The following CACNB2 variants were observed in gnomAD, a reference collection of about 807,000 sequenced individuals.
CACNB2 encodes the protein voltage-dependent L-type calcium channel subunit beta-2.
In CACNB2, 42 loss-of-function variants were observed where a neutral mutation model predicts 73.3. That is an observed-to-expected ratio of 0.57 (90% CI 0.45 to 0.74). CACNB2 has a LOEUF of 0.74. Ranked by LOEUF, CACNB2 falls within the 30% of genes least tolerant of loss-of-function variation. CACNB2 has a pLI of 0.00. For missense variants in CACNB2, 940 were observed against 853.0 expected (o/e 1.10, Z -1.27); for synonymous variants, 348 against 310.3 (o/e 1.12, Z -1.28).
intron 9 of CACNB2, chr10:18,519,853 A>G (rs2051674552): frequency 2.5e-6 from 1 of 408,116 alleles, no homozygotes; most frequent in Non-Finnish European, 4.8e-6. Context: ...TGCTAAATCC[A>G]GGGATAAATT....
At chr10:18,197,506 G>A (rs760779018) in intron 2 of CACNB2, among the ~76,000 whole-genome samples, 16 of 152,284 alleles carry the variant, frequency 1.1e-4, no homozygotes, top group South Asian at 2.1e-4. Flanking sequence ...TCCTGGCTCT[G>A]TCCTCCTTCA....
At chr10:18,280,634 A>G (rs2038501680) in intron 2 of CACNB2, among the ~76,000 whole-genome samples, 1 of 152,188 alleles carries the variant, frequency 6.6e-6, no homozygotes, top group South Asian at 2.1e-4. Flanking sequence ...AGAATGTACA[A>G]CTGTACATGG....
intron 2 of CACNB2, among the ~76,000 whole-genome samples, chr10:18,401,291 C>A (rs1468156599): frequency 2.0e-5 from 3 of 152,190 alleles, no homozygotes; most frequent in Non-Finnish European, 4.4e-5. Context: ...GCCAGATGAG[C>A]TATCCCAGGC....
chr10:18,322,240 A>C lies in CACNB2; in HGVS notation c.214-79684A>C, dbSNP rs551391805. On this transcript the variant is annotated intron_variant, in intron 2 of 13. Transcript: ENST00000324631. Reference sequence around the variant, plus strand: ...CAGAGAGTATTAACTCTGATTTCCAAATTAACATCTTGGAAATCAGAGAAT... The same window carrying C: ...CAGAGAGTATTAACTCTGATTTCCACATTAACATCTTGGAAATCAGAGAAT... 3.9e-5 allele frequency among the ~76,000 whole-genome samples: 6 copies of C among 152,286 alleles called. No homozygotes were observed. In the South Asian group the frequency reaches 1.2e-3, roughly 32 times the overall value.
chr10:18,532,676 C>CAAAAAAAAAAAAAAAAAAAAAAAAA (rs1219587375), intron 10 of CACNB2, among the ~76,000 whole-genome samples: 27 of 92,546 alleles, frequency 2.9e-4, no homozygotes, highest in East Asian at 4.7e-4. Flanking sequence ...GACTCTGTCT[C>CAAAAAAAAAAAAAAAAAAAAAAAAA]AAAAAAAAAA....
At position 18,394,208 on chromosome 10, in the gene CACNB2, C is replaced by T. The variant is rs930973915; in HGVS notation, c.214-7716C>T. Among the ~76,000 whole-genome samples the T allele has an allele frequency of 5.3e-5, 8 of 152,240 alleles. No homozygotes were observed. In the East Asian group the frequency reaches 1.2e-3, roughly 22 times the overall value. On this transcript the variant is annotated intron_variant, in intron 2 of 13. Transcript: ENST00000324631. ...TCCTGACCTGGTGATCTGCCTGCCT[C>T]GGCCTCCCAAAGTGCTGGGATTTCA... is the stretch of plus-strand genomic sequence containing the variant.
intron 9 of CACNB2, among the ~76,000 whole-genome samples, chr10:18,524,175 C>G (rs1482905565): frequency 6.6e-6 from 1 of 151,096 alleles, no homozygotes; most frequent in Non-Finnish European, 1.5e-5. Context: ...AAGTTGAGAA[C>G]AAGAAGGAAA....
At chr10:18,146,147 A>C (rs1336145341) in intron 1 of CACNB2, among the ~76,000 whole-genome samples, 1 of 152,164 alleles carries the variant, frequency 6.6e-6, no homozygotes, top group Non-Finnish European at 1.5e-5. Flanking sequence ...TCTTACCCTT[A>C]GCTTATTCAC....
In CACNB2 at chr10:18,524,569, C is replaced by T. The variant is rs552453036; in HGVS notation, c.945-3019C>T. On this transcript the variant is annotated intron_variant, in intron 9 of 13. Coordinates refer to ENST00000324631, the MANE Select transcript of CACNB2 (RefSeq NM_201596.3). The stretch of plus-strand genomic sequence containing the variant: ...ACTCAGGAGGCTGAGGCAGGAGAAG[C>T]GCCTGAACCCAGGAGGCGGAGATTG... Among the ~76,000 whole-genome samples the T allele has an allele frequency of 1.4e-4, 21 of 150,478 alleles. No homozygotes were observed. In the East Asian group the frequency reaches 3.9e-3, roughly 28 times the overall value.
chr10:18,453,409 C>G lies in CACNB2; in HGVS notation c.334-44946C>G, dbSNP rs185194452. Among the ~76,000 whole-genome samples the G allele has an allele frequency of 4.2e-3, 647 of 152,290 alleles. 3 individuals carry two copies. Among genetic ancestry groups the G allele is most frequent in the African/African-American group, 0.014 (602 of 41,564 alleles). ...TTGCCTAGCAGGTACTCTTGTCTCCCTCCATCGCCTCCACAGGCCTGCTCC... is the reference window on the plus strand; with the variant it reads ...TTGCCTAGCAGGTACTCTTGTCTCCGTCCATCGCCTCCACAGGCCTGCTCC... On this transcript the variant is annotated intron_variant, in intron 3 of 13. Transcript: ENST00000324631.
intron 11 of CACNB2, among the ~76,000 whole-genome samples, chr10:18,535,427 AAGCC>A (rs766589383): frequency 2.0e-5 from 3 of 152,096 alleles, no homozygotes; most frequent in Admixed American, 1.3e-4. Context: ...GTCTTCTATG[AAGCC>A]AGCCAGCCAG....
intron 3 of CACNB2, among the ~76,000 whole-genome samples, chr10:18,462,180 T>G (rs2047616946): frequency 6.6e-6 from 1 of 152,194 alleles, no homozygotes; most frequent in East Asian, 1.9e-4. Flanking sequence ...ATATTCACTA[T>G]AAGAAATTAT....
At chr10:18,178,337 C>T (rs747449876) in intron 2 of CACNB2, among the ~76,000 whole-genome samples, 2 of 152,138 alleles carry the variant, frequency 1.3e-5, no homozygotes, top group African/African-American at 4.8e-5. Context: ...TTAACTCTAC[C>T]TATTAGGCTT....
intron 2 of CACNB2, among the ~76,000 whole-genome samples, chr10:18,209,263 C>G (rs1200337966): frequency 2.0e-5 from 3 of 152,138 alleles, no homozygotes; most frequent in African/African-American, 7.2e-5. Context: ...GCAACATCAC[C>G]TGCATGGAGC....
In CACNB2 at chr10:18,150,871, T is replaced by TTTTTTTTTTTTTTTTTTTTTTTTG; in HGVS notation, c.121-3_121-2insTTTTTTTTTTTTTTGTTTTTTTTT. ...CTTATTTGTCTTTTTTTTTTTTTTT[T>TTTTTTTTTTTTTTTTTTTTTTTTG]TTTTTTTTTAGTCATATGGAAAAGG... On this transcript the variant is annotated splice_polypyrimidine_tract_variant and intron_variant, in intron 1 of 13. Coordinates refer to ENST00000324631, the MANE Select transcript of CACNB2 (RefSeq NM_201596.3). 8.4e-7 allele frequency: 1 copy of TTTTTTTTTTTTTTTTTTTTTTTTG among 1,196,272 alleles called. No homozygotes were observed. The highest frequency in any genetic ancestry group is 2.6e-5 in the Admixed American group (1 of 39,038). The allele number at this position is 1,196,272 out of a possible 1,614,324, so 74.1% of individuals were successfully genotyped here. A position where few individuals can be genotyped will look rare whatever the true frequency, so the allele number is the denominator to read the frequency against.
chr10:18,478,017 C>T (rs1369145445), intron 3 of CACNB2, among the ~76,000 whole-genome samples: 1 of 152,142 alleles, frequency 6.6e-6, no homozygotes, highest in Non-Finnish European at 1.5e-5. Flanking sequence ...TCACTGGAAG[C>T]ACCTCCTGGG....
At chr10:18,384,272 T>C (rs2043134708) in intron 2 of CACNB2, among the ~76,000 whole-genome samples, 1 of 152,178 alleles carries the variant, frequency 6.6e-6, no homozygotes, top group Admixed American at 6.5e-5. Context: ...AAAAATATAG[T>C]GTACCTCTTT....
chr10:18,514,562 C>G, intron 7 of CACNB2, 193 bp downstream of exon 7: 1 of 1,610,390 alleles, frequency 6.2e-7, no homozygotes, highest in Non-Finnish European at 8.5e-7. Flanking sequence ...CTGTGTTTAT[C>G]CTGCCACTGG....
chr10:18,395,376 C>T (rs979917878), intron 2 of CACNB2, among the ~76,000 whole-genome samples: 6 of 152,108 alleles, frequency 3.9e-5, no homozygotes, highest in Non-Finnish European at 8.8e-5. Context: ...AATACCATCC[C>T]TCCCACCATC....
Sources: gnomAD v4.1 joint callset for allele counts (sites outside exome capture counted in the v4.1 genomes callset) on GRCh38, gnomAD v4.1.1 for gene constraint, MANE v1.5 for transcripts, NCBI Gene and HGNC (gene_info 2026-07-23, HGNC 2026-07-21) for gene names.